ALOX5AP: variants seen among roughly 807,000 people sequenced by gnomAD.
ALOX5AP encodes arachidonate 5-lipoxygenase-activating protein.
ALOX5AP carries 9 observed loss-of-function variants against 18.5 expected under a neutral mutation model. That is an observed-to-expected ratio of 0.49 (90% confidence interval 0.29 to 0.85). The LOEUF (loss-of-function observed/expected upper bound fraction) is 0.85. Among genes scored for constraint, ALOX5AP ranks in the 40% least tolerant of loss-of-function variants. The pLI, the probability that ALOX5AP is intolerant of heterozygous loss-of-function variation, is 0.08. For synonymous variants in ALOX5AP, 81 were observed against 78.6 expected, an observed-to-expected ratio of 1.03 and a Z score of -0.16; for missense variants, 172 against 202.5, an observed-to-expected ratio of 0.85 and a Z score of 0.91.
At chr13:30,717,590 T>A (rs933658998) in intron 1 of ALOX5AP, among the ~76,000 whole-genome samples, 1 of 152,226 alleles carries the variant, frequency 6.6e-6, no homozygotes, top group Admixed American at 6.5e-5. Flanking sequence ...TACCAGTTTA[T>A]TGCGAAGGAC....
rs150808682 is a variant in ALOX5AP, at chr13:30,724,003, AATGTGAACAACC to A, written c.116+10167_116+10178del. Among the ~76,000 whole-genome samples, 629 of 152,344 alleles carry A rather than the reference AATGTGAACAACC, an allele frequency of 4.1e-3. 3 individuals carry two copies. Among genetic ancestry groups the A allele is most frequent in the Middle Eastern group, 0.02 (6 of 294 alleles). On this transcript the variant is annotated intron_variant, in intron 1 of 5. Transcript: ENST00000617770. ...GTGTACAGATTGACAAGTTCTGACA[AATGTGAACAACC>A]ATGTAACCATCACCAAAAATAAAGA...
intron 3 of ALOX5AP, 101 bp from the exon 4 acceptor site, chr13:30,755,843 C>A: frequency 1.7e-6 from 2 of 1,151,134 alleles, no homozygotes; most frequent in Non-Finnish European, 1.3e-6. Flanking sequence ...GTGCGTGTGT[C>A]TTCTGCTAGA....
chr13:30,759,572 A>G (rs766892768), intron 4 of ALOX5AP, among the ~76,000 whole-genome samples: 7 of 152,186 alleles, frequency 4.6e-5, no homozygotes, highest in Non-Finnish European at 1.0e-4. Context: ...TGCAAGACCA[A>G]ATATATTCAA....
chr13:30,757,839 T>C lies in ALOX5AP; in HGVS notation c.323+1814T>C, dbSNP rs17245610. On this transcript the variant is annotated intron_variant, in intron 4 of 4. Transcript: ENST00000380490. ...GGTGGCAAAAATAAACAATAGGAGA[T>C]TGATTTACAAGAAATCTTTAAAATA... 7.1e-3 allele frequency among the ~76,000 whole-genome samples: 1,075 copies of C among 152,322 alleles called. 18 individuals are homozygous for C. Among genetic ancestry groups the C allele is most frequent in the African/African-American group, 0.025 (1,025 of 41,570 alleles).
chr13:30,719,810 A>C (rs948550478), intron 1 of ALOX5AP, among the ~76,000 whole-genome samples: 1 of 152,136 alleles, frequency 6.6e-6, no homozygotes, highest in African/African-American at 2.4e-5. Context: ...ACAGCCTGAG[A>C]ACAGTAGGAC....
chr13:30,715,644 C>T (rs1951544523), intron 1 of ALOX5AP, among the ~76,000 whole-genome samples: 1 of 152,214 alleles, frequency 6.6e-6, no homozygotes, highest in Non-Finnish European at 1.5e-5. Flanking sequence ...TCCATGACTC[C>T]TCTTGAAACC....
At chr13:30,720,650 A>G (rs1037238367) in intron 1 of ALOX5AP, among the ~76,000 whole-genome samples, 5 of 152,248 alleles carry the variant, frequency 3.3e-5, no homozygotes, top group African/African-American at 1.2e-4. Context: ...TAGCCAGTTT[A>G]TTCAAAAGGA....
intron 1 of ALOX5AP, 81 bp downstream of exon 1, chr13:30,735,756 T>C (rs1951716066): frequency 6.7e-7 from 1 of 1,485,698 alleles, no homozygotes; most frequent in South Asian, 1.2e-5. Context: ...CTTAAACAAT[T>C]GTGTCTGTGT....
rs1296630044 is a variant in ALOX5AP at position 30,755,906 on chromosome 13, T to C, written c.242-38T>C. On this transcript the variant is annotated intron_variant, in intron 3 of 4. Transcript: ENST00000380490. ...TGGGCTAACAGCATGTTTTGGTGGC[T>C]ACGAAACTGACACAGGTGTTTTCAT... 3 of 1,601,416 alleles carry C rather than the reference T, an allele frequency of 1.9e-6. No homozygotes were observed. In the Admixed American group the frequency reaches 5.0e-5, roughly 27 times the overall value.
At chr13:30,756,727 C>T (rs191287708) in intron 4 of ALOX5AP, among the ~76,000 whole-genome samples, 10 of 144,842 alleles carry the variant, frequency 6.9e-5, no homozygotes, top group East Asian at 2.1e-4. Flanking sequence ...GCTGGAGAAT[C>T]GCTTGAACCC....
intron 1 of ALOX5AP, among the ~76,000 whole-genome samples, chr13:30,743,606 A>T (rs1951785025): frequency 6.6e-6 from 1 of 151,802 alleles, no homozygotes; most frequent in Non-Finnish European, 1.5e-5. Context: ...CTTAGCTTAG[A>T]GCGGCCCCTC....
chr13:30,757,998 C>T (rs895642347), intron 4 of ALOX5AP, among the ~76,000 whole-genome samples: 6 of 152,158 alleles, frequency 3.9e-5, no homozygotes, highest in African/African-American at 9.7e-5. Flanking sequence ...TCTAGACCCC[C>T]TTCTCCTCCC....
At chr13:30,748,971 G>A (rs1387566692) in intron 2 of ALOX5AP, among the ~76,000 whole-genome samples, 1 of 152,324 alleles carries the variant, frequency 6.6e-6, no homozygotes. Context: ...CCCTCTCCAG[G>A]AGGGGCACAT....
At chr13:30,727,656 G>A (rs1951649245) in intron 1 of ALOX5AP, among the ~76,000 whole-genome samples, 1 of 152,142 alleles carries the variant, frequency 6.6e-6, no homozygotes, top group African/African-American at 2.4e-5. Flanking sequence ...CAGTGGGTGA[G>A]TTCACAGCTG....
In ALOX5AP at chr13:30,721,751, T is replaced by C. The variant is rs545471256; in HGVS notation, c.116+7910T>C. 1.5e-3 allele frequency among the ~76,000 whole-genome samples: 230 copies of C among 152,134 alleles called. 1 individual carries two copies. Among genetic ancestry groups the C allele is most frequent in the Middle Eastern group, 0.01 (3 of 294 alleles). On this transcript the variant is annotated intron_variant, in intron 1 of 5. Transcript: ENST00000617770. ...CCAGGATCATTTTGAAACTCCTTAATGGAAGAGGCATGGCCCTTTGGGATG... is the reference window on the plus strand; with the variant it reads ...CCAGGATCATTTTGAAACTCCTTAACGGAAGAGGCATGGCCCTTTGGGATG...
At chr13:30,722,862 T>A (rs11147434) in intron 1 of ALOX5AP, among the ~76,000 whole-genome samples, 88,668 of 152,074 alleles carry the variant, frequency 0.58, 29,675 homozygotes, top group Non-Finnish European at 0.74. Flanking sequence ...TTCCTCTCTC[T>A]CACCTTGTAA....
chr13:30,718,615 C>G (rs1951568835), intron 1 of ALOX5AP, among the ~76,000 whole-genome samples: 1 of 152,060 alleles, frequency 6.6e-6, no homozygotes, highest in Non-Finnish European at 1.5e-5. Flanking sequence ...ATTACTTTCT[C>G]TGGAACCTGC....
chr13:30,717,938 A>G (rs1192857473), intron 1 of ALOX5AP, among the ~76,000 whole-genome samples: 1 of 148,888 alleles, frequency 6.7e-6, no homozygotes, highest in Non-Finnish European at 1.5e-5. Flanking sequence ...TAGGGGGAGT[A>G]GGTGAGAAAA....
At chr13:30,757,602 C>T (rs1281877964) in intron 4 of ALOX5AP, among the ~76,000 whole-genome samples, 1 of 152,124 alleles carries the variant, frequency 6.6e-6, no homozygotes, top group Non-Finnish European at 1.5e-5. Flanking sequence ...TTTTGCCTGG[C>T]TCCCTATGCA....
Sources: gnomAD v4.1 joint callset for allele counts (sites outside exome capture counted in the v4.1 genomes callset) on GRCh38, gnomAD v4.1.1 for gene constraint, MANE v1.5 for transcripts, NCBI Gene and HGNC (gene_info 2026-07-23, HGNC 2026-07-21) for gene names.